SNRNP200: variants seen among roughly 807,000 people sequenced by gnomAD.
SNRNP200 encodes the protein U5 small nuclear ribonucleoprotein 200 kDa helicase.
SNRNP200 carries 66 observed loss-of-function variants against 255.2 expected under a neutral mutation model. That is an observed-to-expected ratio of 0.26 (90% CI 0.21 to 0.32). The LOEUF (loss-of-function observed/expected upper bound fraction) is 0.32, where lower values mean the gene tolerates loss of function less well. SNRNP200 is among the 10% of genes least tolerant of loss of function. The pLI is 1.00. For synonymous variants in SNRNP200, 939 were observed against 1,027.8 expected (o/e 0.91, Z 1.65); for missense variants, 1,585 against 2,749.8 (o/e 0.58, Z 9.47).
rs1177374219 is a variant in SNRNP200 at position 96,296,697 on chromosome 2, G to A, written c.1516-6C>T. 6.2e-6 allele frequency: 10 copies of A among 1,614,034 alleles called. No homozygotes were observed. The highest frequency in any genetic ancestry group is 5.3e-5 in the African/African-American group (4 of 74,904). ...ACGTTGGTCTTCCCAGCACCCTACGGGAGAGGTCAGGGATGAGAACGCCTA... is the reference window on the plus strand; with the variant it reads ...ACGTTGGTCTTCCCAGCACCCTACGAGAGAGGTCAGGGATGAGAACGCCTA... On this transcript the variant is annotated splice_polypyrimidine_tract_variant and splice_region_variant and intron_variant, in intron 12 of 44. Transcript: ENST00000323853.
chr2:96,279,188 G>A lies in SNRNP200; in HGVS notation c.5134-190C>T, dbSNP rs926190822. 28 of 664,194 alleles carry A rather than the reference G, an allele frequency of 4.2e-5. No individual in the cohort carries two copies. The East Asian group carries it at 6.8e-4, about 16-fold the overall frequency. The allele number at this position is 664,194 out of a possible 1,614,324, so 41.1% of individuals were successfully genotyped here. A position where few individuals can be genotyped will look rare whatever the true frequency, so the allele number is the denominator to read the frequency against. ...TGGGAACAGAGGTACAGCAAGTCAC[G>A]AGGGCAGAGCAGTGAGCAGCCCAAG... On this transcript the variant is annotated intron_variant, in intron 36 of 44. Transcript: ENST00000323853.
chr2:96,304,526 T>C (rs182629947), intron 2 of SNRNP200, among the ~76,000 whole-genome samples, 179 bp downstream of exon 2: 2 of 152,350 alleles, frequency 1.3e-5, no homozygotes, highest in African/African-American at 4.8e-5. Context: ...TATTTTCCAC[T>C]TGAGATGCAC....
Position 96,281,861 on chromosome 2 carries a change from G to A in SNRNP200, c.4977C>T (p.His1659=), listed in dbSNP as rs756013761. ...ACTGGGTATCCATGATGATTACCAG[G>A]TGGGCAGCCACGTTCATGCCCCAGC... The part of the protein sequence containing the change: ...SLCWGMNVAA[H]LVIIMDTQYY... The change falls in exon 35 of 45, where the codon CAC becomes CAT. Residue 1659 remains histidine (H), a synonymous_variant. Transcript: ENST00000323853. 6.2e-7 allele frequency: 1 copy of A among 1,614,154 alleles called. No individual in the cohort carries two copies. Among genetic ancestry groups the A allele is most frequent in the South Asian group, 1.1e-5 (1 of 91,090 alleles).
At chr2:96,303,545 C>G (rs1031044594) in intron 2 of SNRNP200, among the ~76,000 whole-genome samples, 1 of 152,158 alleles carries the variant, frequency 6.6e-6, no homozygotes, top group African/African-American at 2.4e-5. Flanking sequence ...TCCCTATCAT[C>G]TTCTCACTAG....
rs2063819464 is a variant in SNRNP200, at chr2:96,283,461, TAA to T, written c.4763+72_4763+73del. On this transcript the variant is annotated intron_variant, in intron 33 of 44. Transcript: ENST00000323853. The surrounding 1 kb of genome is among the most constrained non-coding windows in gnomAD (Gnocchi z 4.7). The stretch of plus-strand genomic sequence containing the variant: ...GCAACATGGGCTAACCCCACCCTCA[TAA>T]AGAGGACACCCTTGGAGTAGGCCAG... The T allele has an allele frequency of 1.9e-6, 3 of 1,612,500 alleles. No individual in the cohort carries two copies. Among genetic ancestry groups the T allele is most frequent in the Admixed American group, 1.7e-5 (1 of 59,980 alleles).
At chr2:96,285,363 A>T in intron 29 of SNRNP200, 23 bp from the exon 30 acceptor site, 1 of 1,613,510 alleles carries the variant, frequency 6.2e-7, no homozygotes. Context: ...AGAAAGAAGC[A>T]GTGTAAGTAT....
intron 5 of SNRNP200, among the ~76,000 whole-genome samples, chr2:96,300,484 G>T (rs1236930590): frequency 2.0e-5 from 3 of 152,090 alleles, no homozygotes; most frequent in Non-Finnish European, 4.4e-5. Context: ...ATTGTGGCCG[G>T]GCGCAGTGGC....
At position 96,290,549 on chromosome 2, in the gene SNRNP200, C is replaced by T. The variant is rs1558768086; in HGVS notation, c.2554-35G>A. 6 of 1,613,916 alleles carry T rather than the reference C, an allele frequency of 3.7e-6. No individual in the cohort carries two copies. Among genetic ancestry groups the T allele is most frequent in the Middle Eastern group, 1.6e-4 (1 of 6,062 alleles). ...AGACAGCGAACCAAGAATGCTATGT[C>T]AAGAGAATGTCTGAATTTTGATGCA... On this transcript the variant is annotated intron_variant, in intron 19 of 44. Coordinates refer to ENST00000323853, the MANE Select transcript of SNRNP200 (RefSeq NM_014014.5). This position sits in a 1 kb window ranked among gnomAD's most constrained non-coding sequence, Gnocchi z 4.5.
intron 43 of SNRNP200, 110 bp from the exon 44 acceptor site, chr2:96,275,459 A>C: frequency 1.1e-6 from 1 of 912,740 alleles, no homozygotes; most frequent in Non-Finnish European, 1.8e-6. Flanking sequence ...TAGCTTTCCA[A>C]AGTTTCTTCC....
At position 96,274,666 on chromosome 2, in the gene SNRNP200, C is replaced by A. The variant is rs760963301; in HGVS notation, c.*346G>T. The A allele has an allele frequency of 1.0e-4, 38 of 362,234 alleles. No individual in the cohort carries two copies. The highest frequency in any genetic ancestry group is 1.8e-4 in the Non-Finnish European group (34 of 188,786). The allele number at this position is 362,234 out of a possible 1,614,324, so 22.4% of individuals were successfully genotyped here. ...GTTCCTGGCTAAAAAATAACCAGAT[C>A]TTTTTGGCCGTGCCCTCAGGTTGGA... On this transcript the variant is annotated 3_prime_UTR_variant, in exon 45 of 45. Transcript: ENST00000323853.
At chr2:96,282,132 G>A in intron 34 of SNRNP200, 1 of 550,564 alleles carries the variant, frequency 1.8e-6, no homozygotes, top group South Asian at 2.0e-5. Flanking sequence ...GACTATCCAG[G>A]AGAAAACAAG....
chr2:96,303,050 T>C (rs2063962895), intron 3 of SNRNP200, 109 bp downstream of exon 3: 2 of 1,205,638 alleles, frequency 1.7e-6, no homozygotes, highest in Admixed American at 1.7e-5. Context: ...AGTCAACTCA[T>C]CAGCATACAA....
At chr2:96,276,439 TTTG>T in intron 43 of SNRNP200, 2 of 167,232 alleles carry the variant, frequency 1.2e-5, no homozygotes, top group East Asian at 3.1e-4. Context: ...TTTTTTTTTT[TTTG>T]AGATGAAGTC....
rs774599581 is a variant in SNRNP200, at chr2:96,275,160, A to G, written c.6268-5T>C. On this transcript the variant is annotated splice_polypyrimidine_tract_variant and splice_region_variant and intron_variant, in intron 44 of 44. Coordinates refer to ENST00000323853, the MANE Select transcript of SNRNP200 (RefSeq NM_014014.5). ...GGCCACAAAGTCCAACTTCACCTAG[A>G]AAGAGCAGGCAGAAATCAAGATGAG... 3.7e-6 allele frequency: 6 copies of G among 1,614,226 alleles called. No individual in the cohort carries two copies. Among genetic ancestry groups the G allele is most frequent in the Non-Finnish European group, 4.2e-6 (5 of 1,180,042 alleles).
intron 5 of SNRNP200, among the ~76,000 whole-genome samples, chr2:96,300,384 T>C (rs188266476): frequency 1.3e-5 from 2 of 152,304 alleles, no homozygotes; most frequent in East Asian, 1.9e-4. Flanking sequence ...CAGTAAAACA[T>C]AGCAGATACA....
rs763434263 is a variant in SNRNP200, at chr2:96,303,127, A to G, written c.381+32T>C. 1.9e-6 allele frequency: 3 copies of G among 1,607,272 alleles called. No individual in the cohort carries two copies. The Admixed American group carries it at 5.0e-5, about 27-fold the overall frequency. ...CTGTATGCCAGAAAATGAAATAAAG[A>G]CCTAATATATATTTCACAATATCAC... On this transcript the variant is annotated intron_variant, in intron 3 of 44. Coordinates refer to ENST00000323853, the MANE Select transcript of SNRNP200 (RefSeq NM_014014.5).
At chr2:96,281,137 T>TAC (rs1341926941) in intron 35 of SNRNP200, 1 of 150,996 alleles carries the variant, frequency 6.6e-6, no homozygotes, top group African/African-American at 2.4e-5. Flanking sequence ...GTGCTGGGAT[T>TAC]ACAGGTGTGA....
At position 96,291,906 on chromosome 2, in the gene SNRNP200, G is replaced by A; in HGVS notation, c.2161-6C>T. On this transcript the variant is annotated splice_region_variant and splice_polypyrimidine_tract_variant and intron_variant, in intron 16 of 44. Coordinates refer to ENST00000323853, the MANE Select transcript of SNRNP200 (RefSeq NM_014014.5). The surrounding 1 kb of genome is among the most constrained non-coding windows in gnomAD (Gnocchi z 4.2). ...GAGTGGACAAACACCAGCACCTAAGGAGAAGCCACAGTTTGCTACAGTCAC... is the reference window on the plus strand; with the variant it reads ...GAGTGGACAAACACCAGCACCTAAGAAGAAGCCACAGTTTGCTACAGTCAC... 1.2e-6 allele frequency: 2 copies of A among 1,613,786 alleles called. No homozygotes were observed. Among genetic ancestry groups the A allele is most frequent in the Non-Finnish European group, 1.7e-6 (2 of 1,180,034 alleles).
chr2:96,275,572 C>T (rs1413960970), intron 43 of SNRNP200, among the ~76,000 whole-genome samples: 3 of 152,174 alleles, frequency 2.0e-5, no homozygotes, highest in African/African-American at 7.2e-5. Flanking sequence ...GGCTCATTTC[C>T]TTGTGCCAAG....
Sources: gnomAD v4.1 joint callset for allele counts (sites outside exome capture counted in the v4.1 genomes callset) on GRCh38, gnomAD v4.1.1 for gene constraint, Gnocchi (gnomAD v3.1) non-coding constraint, MANE v1.5 for transcripts, NCBI Gene and HGNC (gene_info 2026-07-23, HGNC 2026-07-21) for gene names.